The following SLIT2 variants were observed in gnomAD, a reference collection of about 807,000 sequenced individuals.
The protein encoded by SLIT2 is slit guidance ligand 2, also known as slit homolog 2 protein.
In SLIT2, 41 loss-of-function variants were observed where a neutral mutation model predicts 185.7. The observed-to-expected ratio is 0.22, with a 90% CI of 0.17 to 0.29. The LOEUF is 0.29. Ranked by LOEUF, SLIT2 falls within the 10% of genes least tolerant of loss-of-function variation. The pLI, the probability that SLIT2 is intolerant of heterozygous loss-of-function variation, is 1.00. For synonymous variants in SLIT2, 693 were observed against 680.2 expected (o/e 1.02, Z -0.29); for missense variants, 1,571 against 1,909.0 (o/e 0.82, Z 3.30).
intron 4 of SLIT2, among the ~76,000 whole-genome samples, chr4:20,350,149 T>C (rs1012582572): frequency 1.3e-5 from 2 of 152,188 alleles, no homozygotes; most frequent in Non-Finnish European, 2.9e-5. Context: ...GAAGTTTAAA[T>C]CTTGTTCCTT....
intron 34 of SLIT2, among the ~76,000 whole-genome samples, chr4:20,612,397 A>C (rs1326607693): frequency 6.6e-6 from 1 of 152,072 alleles, no homozygotes; most frequent in African/African-American, 2.4e-5. Context: ...GAAAAATTCA[A>C]ACAACACCTC....
rs999019313 is a variant in SLIT2, at chr4:20,267,060, C to T, written c.324-1750C>T. On this transcript the variant is annotated intron_variant, in intron 3 of 36. Transcript: ENST00000504154. ...AATTGGCTCTTTGGACAATGGAGGT[C>T]CTTCCAAGAGTGGTTGCATTCCTAG... 1.3e-4 allele frequency among the ~76,000 whole-genome samples: 20 copies of T among 151,856 alleles called. 1 individual carries two copies. The highest frequency in any genetic ancestry group is 2.4e-5 in the African/African-American group (1 of 41,368).
At position 20,289,444 on chromosome 4, in the gene SLIT2, A is replaced by G. The variant is rs541397413; in HGVS notation, c.395+20563A>G. On this transcript the variant is annotated intron_variant, in intron 4 of 36. Coordinates refer to ENST00000504154, the MANE Select transcript of SLIT2 (RefSeq NM_004787.4). ...GGATGTCTTTATTTTATTTTGTCTC[A>G]TCTAGACTCCAGTTTTCTATTTCCA... Among the ~76,000 whole-genome samples, 3 of 152,266 alleles carry G rather than the reference A, an allele frequency of 2.0e-5. No individual in the cohort carries two copies. The East Asian group carries it at 5.8e-4, about 29-fold the overall frequency.
At chr4:20,346,864 A>G (rs1047700090) in intron 4 of SLIT2, among the ~76,000 whole-genome samples, 3 of 152,198 alleles carry the variant, frequency 2.0e-5, no homozygotes, top group African/African-American at 7.2e-5. Context: ...AGGATCAGCA[A>G]GTCTGGTCCT....
intron 12 of SLIT2, 43 bp downstream of exon 12, chr4:20,519,496 A>G (rs758095084): frequency 9.7e-6 from 11 of 1,137,276 alleles, no homozygotes; most frequent in Non-Finnish European, 1.4e-5. Flanking sequence ...CTAATAATAT[A>G]TATTAGCCAT....
At chr4:20,331,592 A>G (rs914626808) in intron 4 of SLIT2, among the ~76,000 whole-genome samples, 4 of 152,144 alleles carry the variant, frequency 2.6e-5, no homozygotes, top group African/African-American at 7.2e-5. Flanking sequence ...ATTTTCTTAC[A>G]TCAATCTTTG....
intron 26 of SLIT2, among the ~76,000 whole-genome samples, chr4:20,560,469 G>A (rs1184357198): frequency 6.6e-6 from 1 of 151,856 alleles, no homozygotes; most frequent in Non-Finnish European, 1.5e-5. Flanking sequence ...ATCCCTGAGT[G>A]GGAAGCAGAT....
chr4:20,451,001 C>T (rs968336046), intron 4 of SLIT2, among the ~76,000 whole-genome samples: 2 of 152,146 alleles, frequency 1.3e-5, no homozygotes, highest in Non-Finnish European at 2.9e-5. Context: ...TCAGTCAAAG[C>T]AGAAGGATAA....
intron 5 of SLIT2, among the ~76,000 whole-genome samples, chr4:20,479,170 AGC>A (rs1716435596): frequency 1.3e-5 from 2 of 152,184 alleles, no homozygotes; most frequent in Admixed American, 1.3e-4. Flanking sequence ...ACATCAAGGT[AGC>A]CTTGTGTATG....
intron 29 of SLIT2, among the ~76,000 whole-genome samples, chr4:20,579,648 A>G (rs1257143802): frequency 6.6e-6 from 1 of 152,058 alleles, no homozygotes; most frequent in East Asian, 1.9e-4. Context: ...TTCTCCCAAG[A>G]TGTGTAATGA....
chr4:20,308,150 G>A (rs985667510), intron 4 of SLIT2, among the ~76,000 whole-genome samples: 8 of 152,168 alleles, frequency 5.3e-5, no homozygotes, highest in African/African-American at 1.9e-4. Context: ...CTTGGACTTG[G>A]GAAGTGATGG....
intron 11 of SLIT2, among the ~76,000 whole-genome samples, chr4:20,512,680 T>A (rs889581101): frequency 6.6e-6 from 1 of 152,164 alleles, no homozygotes; most frequent in African/African-American, 2.4e-5. Context: ...AGAGTAAACA[T>A]TGACAAACTC....
intron 4 of SLIT2, among the ~76,000 whole-genome samples, chr4:20,354,800 G>A (rs1393928791): frequency 1.3e-5 from 2 of 151,502 alleles, no homozygotes; most frequent in Admixed American, 1.3e-4. Flanking sequence ...ACCATCTGCT[G>A]CAATATGATA....
At chr4:20,414,179 A>G (rs1727479062) in intron 4 of SLIT2, among the ~76,000 whole-genome samples, 1 of 152,124 alleles carries the variant, frequency 6.6e-6, no homozygotes, top group Non-Finnish European at 1.5e-5. Flanking sequence ...GCAGATTACA[A>G]TTAACCTCTT....
intron 19 of SLIT2, among the ~76,000 whole-genome samples, chr4:20,541,185 C>T (rs1361072203): frequency 6.6e-6 from 1 of 152,108 alleles, no homozygotes; most frequent in Non-Finnish European, 1.5e-5. Flanking sequence ...CCAAATTCTA[C>T]CTTACCTTAT....
intron 4 of SLIT2, among the ~76,000 whole-genome samples, chr4:20,323,776 C>G (rs1719303852): frequency 6.6e-6 from 1 of 152,168 alleles, no homozygotes; most frequent in Admixed American, 6.6e-5. Flanking sequence ...TAAGCTAAAT[C>G]AAGTTATGTC....
chr4:20,558,387 G>C (rs1215057470), intron 26 of SLIT2, among the ~76,000 whole-genome samples: 1 of 151,946 alleles, frequency 6.6e-6, no homozygotes, highest in Admixed American at 6.6e-5. Flanking sequence ...GACAACCTTG[G>C]CTAGCAGAAA....
chr4:20,305,774 G>A (rs948762823), intron 4 of SLIT2, among the ~76,000 whole-genome samples: 1 of 151,660 alleles, frequency 6.6e-6, no homozygotes, highest in Non-Finnish European at 1.5e-5. Context: ...TTGGGAGGCC[G>A]AGGCAGGAGA....
At chr4:20,436,610 G>A (rs183902783) in intron 4 of SLIT2, among the ~76,000 whole-genome samples, 3 of 152,090 alleles carry the variant, frequency 2.0e-5, no homozygotes, top group Admixed American at 2.0e-4. Context: ...TTTAGATTGA[G>A]GTCTACAAAC....
Sources: gnomAD v4.1 joint callset for allele counts (sites outside exome capture counted in the v4.1 genomes callset) on GRCh38, gnomAD v4.1.1 for gene constraint, MANE v1.5 for transcripts, NCBI Gene and HGNC (gene_info 2026-07-23, HGNC 2026-07-21) for gene names.